The following GLCE variants were observed in gnomAD, a reference collection of about 807,000 sequenced individuals.
GLCE encodes the protein D-glucuronyl C5-epimerase.
GLCE carries 19 observed loss-of-function variants against 47.9 expected under a neutral mutation model. The observed-to-expected ratio is 0.40, with a 90% CI of 0.28 to 0.58. GLCE has a LOEUF of 0.58. Ranked by LOEUF, GLCE falls within the 20% of genes least tolerant of loss-of-function variation. The probability of loss-of-function intolerance (pLI) is 0.48; values close to 1 mark genes in which losing one functional copy is unlikely to be tolerated. For synonymous variants in GLCE, 245 were observed against 263.4 expected, an observed-to-expected ratio of 0.93 and a Z score of 0.68; for missense variants, 556 against 743.3, an observed-to-expected ratio of 0.75 and a Z score of 2.93.
intron 2 of GLCE, among the ~76,000 whole-genome samples, chr15:69,246,821 T>C (rs1052304433): frequency 6.6e-5 from 10 of 152,304 alleles, no homozygotes; most frequent in Admixed American, 2.0e-4. Context: ...AATCTCGTTG[T>C]ACATCTCCAT....
intron 1 of GLCE, among the ~76,000 whole-genome samples, chr15:69,192,710 A>G (rs568385623): frequency 6.6e-6 from 1 of 152,132 alleles, no homozygotes; most frequent in Admixed American, 6.6e-5. Context: ...GATAAGTTCG[A>G]TCCTTTCAAA....
chr15:69,201,544 T>G (rs534224934), intron 1 of GLCE, among the ~76,000 whole-genome samples: 45 of 151,080 alleles, frequency 3.0e-4, no homozygotes, highest in African/African-American at 1.1e-3. Context: ...TCCATATTTA[T>G]GTAAGCTCTT....
chr15:69,242,276 C>G (rs2052682909), intron 2 of GLCE, among the ~76,000 whole-genome samples: 6 of 152,224 alleles, frequency 3.9e-5, no homozygotes, highest in Admixed American at 3.9e-4. Context: ...AACTACCTGC[C>G]ACACTACTTT....
At chr15:69,204,069 G>C (rs1278681924) in intron 1 of GLCE, among the ~76,000 whole-genome samples, 1 of 151,820 alleles carries the variant, frequency 6.6e-6, no homozygotes, top group South Asian at 2.1e-4. Flanking sequence ...TTTATATTTT[G>C]TGACCACATG....
chr15:69,264,140 C>T (rs987236815), intron 4 of GLCE, among the ~76,000 whole-genome samples: 2 of 152,004 alleles, frequency 1.3e-5, no homozygotes, highest in Non-Finnish European at 2.9e-5. Flanking sequence ...AAGTTTGTAC[C>T]CTTTGATCAA....
At chr15:69,173,109 A>G (rs943798755) in intron 1 of GLCE, among the ~76,000 whole-genome samples, 1 of 152,172 alleles carries the variant, frequency 6.6e-6, no homozygotes, top group Non-Finnish European at 1.5e-5. Context: ...AACTATCCCA[A>G]TATTCAGCAC....
chr15:69,245,248 G>A (rs766760662), intron 2 of GLCE, among the ~76,000 whole-genome samples: 16 of 147,972 alleles, frequency 1.1e-4, no homozygotes, highest in Non-Finnish European at 2.2e-4. Flanking sequence ...CACAAGAATC[G>A]CTTGAACCCC....
At chr15:69,174,268 G>GT (rs138674652) in intron 1 of GLCE, among the ~76,000 whole-genome samples, 1,756 of 152,200 alleles carry the variant, frequency 0.012, 26 homozygotes, top group African/African-American at 0.038. Context: ...GATGGCATAA[G>GT]TATCATTAAA....
intron 2 of GLCE, among the ~76,000 whole-genome samples, chr15:69,236,671 C>T (rs2052597646): frequency 6.6e-6 from 1 of 152,148 alleles, no homozygotes; most frequent in Non-Finnish European, 1.5e-5. Context: ...TGAGTATATA[C>T]ACGTATCTCA....
chr15:69,265,265 A>C (rs1041752889), intron 4 of GLCE, among the ~76,000 whole-genome samples: 3 of 152,152 alleles, frequency 2.0e-5, no homozygotes, highest in East Asian at 1.9e-4. Context: ...TAAAAAAAAA[A>C]CAAAACTTTC....
rs1260935904 is a variant in GLCE at position 69,268,296 on chromosome 15, A to C, written c.906A>C (p.Thr302=). Residue 302 remains threonine (T), a synonymous_variant, in exon 5 of 5, where the codon ACA becomes ACC. Transcript: ENST00000261858. ...TTTCATTTGACCTCAAGTTCTTGAC[A>C]AATGGAAGTGTGTCCGTGGTTCTAG... The part of the protein sequence containing the change: ...FIISFDLKFL[T]NGSVSVVLET... 20 of 1,612,810 alleles carry C rather than the reference A, an allele frequency of 1.2e-5. No homozygotes were observed. Among genetic ancestry groups the C allele is most frequent in the Non-Finnish European group, 1.7e-5 (20 of 1,179,042 alleles).
At chr15:69,171,332 A>T (rs1188461753) in intron 1 of GLCE, among the ~76,000 whole-genome samples, 1 of 152,112 alleles carries the variant, frequency 6.6e-6, no homozygotes, top group Non-Finnish European at 1.5e-5. Context: ...CAAGAGTCAG[A>T]AATTTTAATT....
intron 4 of GLCE, among the ~76,000 whole-genome samples, chr15:69,266,553 G>A (rs868149254): frequency 5.3e-5 from 8 of 152,066 alleles, no homozygotes; most frequent in African/African-American, 9.7e-5. Context: ...CAAGCTCCTC[G>A]CTTCAAGCAG....
chr15:69,201,745 G>T (rs2052078948), intron 1 of GLCE, among the ~76,000 whole-genome samples: 1 of 151,124 alleles, frequency 6.6e-6, no homozygotes, highest in African/African-American at 2.4e-5. Context: ...GAGGAATTTT[G>T]AGTTCAAAAA....
At chr15:69,225,624 G>A (rs919756277) in intron 2 of GLCE, among the ~76,000 whole-genome samples, 2 of 152,154 alleles carry the variant, frequency 1.3e-5, no homozygotes, top group African/African-American at 4.8e-5. Flanking sequence ...TAAATTATGT[G>A]TAAATTTGTA....
chr15:69,243,230 C>G (rs963176458), intron 2 of GLCE, among the ~76,000 whole-genome samples: 4 of 152,042 alleles, frequency 2.6e-5, no homozygotes, highest in Non-Finnish European at 5.9e-5. Flanking sequence ...CACACCTGAG[C>G]TAATAGAAGC....
chr15:69,263,984 C>T (rs776999772), intron 4 of GLCE, among the ~76,000 whole-genome samples: 1 of 152,148 alleles, frequency 6.6e-6, no homozygotes, highest in Non-Finnish European at 1.5e-5. Flanking sequence ...TCCATCACCT[C>T]ATAGTTACCT....
intron 2 of GLCE, among the ~76,000 whole-genome samples, chr15:69,255,218 A>G (rs553783077): frequency 3.9e-5 from 6 of 152,340 alleles, no homozygotes; most frequent in Non-Finnish European, 7.4e-5. Context: ...ATACTTGTAC[A>G]TAAGTAGTTA....
Position 69,255,958 on chromosome 15 carries a change from G to C in GLCE, c.152G>C (p.Gly51Ala), listed in dbSNP as rs1400702802. 1.2e-6 allele frequency: 2 copies of C among 1,613,916 alleles called. No homozygotes were observed. Among genetic ancestry groups the C allele is most frequent in the Non-Finnish European group, 1.7e-6 (2 of 1,179,952 alleles). ...RRSSSGFRVD[G>A]FEKRAAASES... The stretch of plus-strand genomic sequence containing the variant: ...TCGAGTAGTGGCTTCAGAGTGGATG[G>C]GTTTGAAAAAAGAGCAGCAGCATCT... Residue 51 changes from glycine (G) to alanine (A), a missense_variant, in exon 3 of 5, where the codon GGG (glycine) becomes GCG (alanine). Gly to Ala is a moderately conservative substitution (Grantham distance 60, BLOSUM62 0). Around this residue, in one of 3 missense-constraint regions of GLCE, gnomAD observed 237 missense variants for 310.9 expected, o/e 0.76. Coordinates refer to ENST00000261858, the MANE Select transcript of GLCE (RefSeq NM_015554.3).
Sources: allele counts gnomAD v4.1 joint callset (sites outside exome capture counted in the v4.1 genomes callset), GRCh38; gene constraint gnomAD v4.1.1; regional missense constraint gnomAD v4.1.1; transcripts MANE v1.5; gene names NCBI Gene and HGNC (gene_info 2026-07-23, HGNC 2026-07-21).